LRRC4C: variants seen among roughly 807,000 people sequenced by gnomAD.
The protein encoded by LRRC4C is leucine-rich repeat-containing protein 4C.
In LRRC4C, 5 loss-of-function variants were observed where a neutral mutation model predicts 33.6. The observed-to-expected ratio is 0.15, with a 90% CI of 0.08 to 0.31. LRRC4C has a LOEUF of 0.31. Among genes scored for constraint, LRRC4C ranks in the 10% least tolerant of loss-of-function variants. The pLI is 1.00. For missense variants in LRRC4C, 560 were observed against 796.7 expected, an observed-to-expected ratio of 0.70 and a Z score of 3.58; for synonymous variants, 329 against 302.0, an observed-to-expected ratio of 1.09 and a Z score of -0.93.
chr11:40,376,054 T>C (rs11035810), intron 3 of LRRC4C, among the ~76,000 whole-genome samples: 50,427 of 152,054 alleles, frequency 0.33, 10,018 homozygotes, highest in South Asian at 0.48. Flanking sequence ...CTAATACTCT[T>C]GTGCATGAAA....
At chr11:40,270,349 A>C (rs780769644) in intron 4 of LRRC4C, among the ~76,000 whole-genome samples, 1 of 151,958 alleles carries the variant, frequency 6.6e-6, no homozygotes, top group Non-Finnish European at 1.5e-5. Context: ...GAAAATGTCC[A>C]CATTCTCACT....
chr11:40,563,403 C>T (rs960911010), intron 3 of LRRC4C, among the ~76,000 whole-genome samples: 6 of 152,204 alleles, frequency 3.9e-5, no homozygotes, highest in South Asian at 2.1e-4. Context: ...GATTCAAACA[C>T]TGGAAAGGTC....
chr11:41,334,275 A>G (rs1362452900), intron 1 of LRRC4C, among the ~76,000 whole-genome samples: 1 of 152,232 alleles, frequency 6.6e-6, no homozygotes, highest in East Asian at 1.9e-4. Context: ...TCGTCAGTTC[A>G]AGAAGATTTC....
intron 1 of LRRC4C, among the ~76,000 whole-genome samples, chr11:41,090,127 T>G: frequency 6.6e-6 from 1 of 152,128 alleles, no homozygotes; most frequent in East Asian, 1.9e-4. Flanking sequence ...GAAAGCCTGA[T>G]TGACTTTGGA....
At chr11:40,377,280 T>C (rs945709439) in intron 3 of LRRC4C, among the ~76,000 whole-genome samples, 2 of 152,088 alleles carry the variant, frequency 1.3e-5, no homozygotes, top group African/African-American at 4.8e-5. Flanking sequence ...AACCATATAG[T>C]AGAAAAAAGA....
At chr11:41,321,315 C>A (rs1027462557) in intron 1 of LRRC4C, among the ~76,000 whole-genome samples, 1 of 151,846 alleles carries the variant, frequency 6.6e-6, no homozygotes, top group African/African-American at 2.4e-5. Flanking sequence ...TAATTACAGT[C>A]CAAGTAAATT....
chr11:40,852,130 T>A (rs1591890549), intron 2 of LRRC4C, among the ~76,000 whole-genome samples: 1 of 90,978 alleles, frequency 1.1e-5, no homozygotes, highest in Admixed American at 1.2e-4. Context: ...CACTACTAGA[T>A]TTTTTTTTTT....
chr11:40,903,737 C>T (rs997954851), intron 2 of LRRC4C, among the ~76,000 whole-genome samples: 2 of 152,070 alleles, frequency 1.3e-5, no homozygotes, highest in South Asian at 2.1e-4. Flanking sequence ...ATGACTAAGA[C>T]CTACAGTTGC....
chr11:41,300,954 T>C (rs142487660), intron 1 of LRRC4C, among the ~76,000 whole-genome samples: 2 of 152,302 alleles, frequency 1.3e-5, no homozygotes, highest in East Asian at 3.9e-4. Flanking sequence ...TTTGAGGTTG[T>C]TATGAGTCAT....
chr11:41,211,135 G>T (rs7938388), intron 1 of LRRC4C, among the ~76,000 whole-genome samples: 2 of 151,974 alleles, frequency 1.3e-5, no homozygotes, highest in East Asian at 1.9e-4. Context: ...GGGGCCCCCT[G>T]GTTTAAATGA....
intron 1 of LRRC4C, among the ~76,000 whole-genome samples, chr11:41,419,681 G>A (rs984336515): frequency 3.3e-5 from 5 of 151,906 alleles, no homozygotes; most frequent in African/African-American, 1.2e-4. Context: ...ACTTTATACT[G>A]TATTTATTAA....
chr11:40,379,464 T>C (rs1948781736), intron 3 of LRRC4C, among the ~76,000 whole-genome samples: 2 of 152,160 alleles, frequency 1.3e-5, no homozygotes, highest in Admixed American at 6.5e-5. Flanking sequence ...GCATTTTTGA[T>C]AAATGCATCA....
intron 5 of LRRC4C, among the ~76,000 whole-genome samples, chr11:40,157,438 A>C (rs1858795618): frequency 6.6e-6 from 1 of 152,224 alleles, no homozygotes; most frequent in Admixed American, 6.5e-5. Flanking sequence ...GAGCTTTTGT[A>C]CAGCAAAAGG....
chr11:40,861,443 A>C (rs1028229094), intron 2 of LRRC4C, among the ~76,000 whole-genome samples: 1 of 152,206 alleles, frequency 6.6e-6, no homozygotes, highest in Non-Finnish European at 1.5e-5. Flanking sequence ...GTGAAACTCC[A>C]ATGTTCAGTT....
intron 3 of LRRC4C, among the ~76,000 whole-genome samples, chr11:40,477,961 G>T (rs549942915): frequency 3.8e-4 from 58 of 152,156 alleles, no homozygotes; most frequent in Non-Finnish European, 3.2e-4. Flanking sequence ...TAAGTCCCAT[G>T]AGGACTGAGA....
intron 1 of LRRC4C, among the ~76,000 whole-genome samples, chr11:40,990,209 T>A: frequency 7.2e-6 from 1 of 138,966 alleles, no homozygotes; most frequent in African/African-American, 2.6e-5. Flanking sequence ...TCTATCAAAA[T>A]ATTTGAATAG....
At chr11:41,419,349 A>G (rs144692324) in intron 1 of LRRC4C, among the ~76,000 whole-genome samples, 18 of 152,008 alleles carry the variant, frequency 1.2e-4, no homozygotes, top group African/African-American at 4.1e-4. Flanking sequence ...GTCCTTCCTC[A>G]AGAGAGTGAA....
intron 3 of LRRC4C, among the ~76,000 whole-genome samples, chr11:40,392,974 A>G (rs1365347090): frequency 6.6e-6 from 1 of 152,124 alleles, no homozygotes; most frequent in Non-Finnish European, 1.5e-5. Flanking sequence ...GGAACCATTG[A>G]TAAGTGACTC....
At chr11:40,616,546 G>T (rs1252676415) in intron 3 of LRRC4C, among the ~76,000 whole-genome samples, 9 of 151,730 alleles carry the variant, frequency 5.9e-5, no homozygotes, top group Non-Finnish European at 1.0e-4. Context: ...TTAAGAAAAT[G>T]TGGCACATAT....
Sources: allele counts gnomAD v4.1 joint callset (sites outside exome capture counted in the v4.1 genomes callset), GRCh38; gene constraint gnomAD v4.1.1; transcripts MANE v1.5; gene names NCBI Gene and HGNC (gene_info 2026-07-23, HGNC 2026-07-21).